CDK14: variants seen among roughly 807,000 people sequenced by gnomAD.
The protein encoded by CDK14 is cyclin dependent kinase 14.
CDK14 carries 34 observed loss-of-function variants against 60.7 expected under a neutral mutation model. The observed-to-expected ratio is 0.56, with a 90% CI of 0.43 to 0.75. The LOEUF (loss-of-function observed/expected upper bound fraction) is 0.75, where lower values mean the gene tolerates loss of function less well. Among genes scored for constraint, CDK14 ranks in the 30% least tolerant of loss-of-function variants. The pLI is 0.00. For missense variants in CDK14, 482 were observed against 564.1 expected (o/e 0.85, Z 1.47); for synonymous variants, 197 against 203.7 (o/e 0.97, Z 0.28).
intron 10 of CDK14, among the ~76,000 whole-genome samples, chr7:91,018,146 T>G (rs947867784): frequency 6.6e-6 from 1 of 152,248 alleles, no homozygotes; most frequent in Non-Finnish European, 1.5e-5. Context: ...GGAAGCCATC[T>G]TTGTTCTAAA....
intron 3 of CDK14, among the ~76,000 whole-genome samples, chr7:90,734,038 T>C (rs1802983779): frequency 6.6e-6 from 1 of 152,238 alleles, no homozygotes; most frequent in Admixed American, 6.5e-5. Flanking sequence ...TGCTTGTCTC[T>C]AAAGGATTTT....
rs564944569 is a variant in CDK14, at chr7:90,825,125, A to G, written c.544+34473A>G. ...AATCACTTGAGACCTATTCATAAAGAATAGGATGATGTATATAACTAAAGC... is the reference window on the plus strand; with the variant it reads ...AATCACTTGAGACCTATTCATAAAGGATAGGATGATGTATATAACTAAAGC... On this transcript the variant is annotated intron_variant, in intron 5 of 14. Coordinates refer to ENST00000380050, the MANE Select transcript of CDK14 (RefSeq NM_001287135.2). 2.6e-5 allele frequency among the ~76,000 whole-genome samples: 4 copies of G among 152,314 alleles called. No homozygotes were observed. The East Asian group carries it at 5.8e-4, about 22-fold the overall frequency.
chr7:90,734,194 G>A (rs569237631), intron 3 of CDK14, among the ~76,000 whole-genome samples: 2 of 152,168 alleles, frequency 1.3e-5, no homozygotes, highest in Non-Finnish European at 2.9e-5. Context: ...AGTCTGATGG[G>A]CTTCTCTTTG....
intron 4 of CDK14, among the ~76,000 whole-genome samples, chr7:90,758,175 A>G (rs770261752): frequency 6.6e-6 from 1 of 152,126 alleles, no homozygotes; most frequent in African/African-American, 2.4e-5. Context: ...AACTTACCAC[A>G]TTCTCATATT....
chr7:90,746,398 A>G (rs1359718358), intron 3 of CDK14, among the ~76,000 whole-genome samples: 1 of 152,216 alleles, frequency 6.6e-6, no homozygotes, highest in African/African-American at 2.4e-5. Context: ...TTGATAAGTG[A>G]TACAGGTGTA....
intron 2 of CDK14, among the ~76,000 whole-genome samples, chr7:90,688,720 TC>T (rs1414562895): frequency 6.6e-6 from 1 of 152,162 alleles, no homozygotes; most frequent in Non-Finnish European, 1.5e-5. Context: ...TGGGAGAATG[TC>T]CCAAAACAGG....
chr7:91,044,998 A>T (rs776592119), intron 10 of CDK14, among the ~76,000 whole-genome samples: 2 of 152,210 alleles, frequency 1.3e-5, no homozygotes, highest in Non-Finnish European at 2.9e-5. Flanking sequence ...CAGTTTACAG[A>T]TGAGGAAATT....
At chr7:91,010,871 C>G (rs1315334652) in intron 10 of CDK14, among the ~76,000 whole-genome samples, 1 of 103,362 alleles carries the variant, frequency 9.7e-6, no homozygotes, top group Non-Finnish European at 1.9e-5. Flanking sequence ...CTCCCTCTCT[C>G]TCTTTCTTTT....
chr7:90,904,969 T>C (rs1379612788), intron 7 of CDK14, among the ~76,000 whole-genome samples: 1 of 152,172 alleles, frequency 6.6e-6, no homozygotes, highest in East Asian at 1.9e-4. Flanking sequence ...CAGTGAAGTA[T>C]GAAGGTAAAA....
At chr7:90,845,050 A>G (rs1429747265) in intron 5 of CDK14, among the ~76,000 whole-genome samples, 1 of 152,182 alleles carries the variant, frequency 6.6e-6, no homozygotes, top group Admixed American at 6.6e-5. Flanking sequence ...CTTATTTTAC[A>G]CGTTCCTTTT....
rs377746606 is a variant in CDK14 at position 90,628,118 on chromosome 7, C to G, written c.123+23869C>G. ...CACAGGTGTGTGCCACTATGCATGG[C>G]AATTTTTATTTTTATTTTTGTAGAG... On this transcript the variant is annotated intron_variant, in intron 2 of 14. Transcript: ENST00000380050. Among the ~76,000 whole-genome samples the G allele has an allele frequency of 9.2e-5, 14 of 152,156 alleles. No homozygotes were observed. In the South Asian group the frequency reaches 2.9e-3, roughly 32 times the overall value.
chr7:91,205,727 C>G (rs756294525), intron 14 of CDK14, among the ~76,000 whole-genome samples: 2 of 152,168 alleles, frequency 1.3e-5, no homozygotes, highest in Non-Finnish European at 2.9e-5. Context: ...GGAAAGTTAA[C>G]TTGCCAGAAA....
chr7:90,634,291 C>G (rs1800078609), intron 2 of CDK14, among the ~76,000 whole-genome samples: 1 of 109,166 alleles, frequency 9.2e-6, no homozygotes, highest in Non-Finnish European at 1.8e-5. Context: ...CCCCCTCCCC[C>G]CACCCCACAG....
At position 91,086,662 on chromosome 7, in the gene CDK14, T is replaced by G. The variant is rs73708249; in HGVS notation, c.1154+7182T>G. 8.9e-3 allele frequency among the ~76,000 whole-genome samples: 1,178 copies of G among 132,642 alleles called. 16 individuals carry two copies. Among genetic ancestry groups the G allele is most frequent in the Admixed American group, 0.039 (524 of 13,342 alleles). 87.0% of individuals were successfully genotyped at this position (132,642 alleles called of 152,430 possible). The stretch of plus-strand genomic sequence containing the variant: ...GTCTTCCTCACTGGGCCCCTGTGGG[T>G]GTGTGTGTGTGTGTGTGTGTGTATA... On this transcript the variant is annotated intron_variant, in intron 12 of 14. Transcript: ENST00000380050.
intron 4 of CDK14, among the ~76,000 whole-genome samples, chr7:90,775,567 T>A (rs1486704133): frequency 1.3e-5 from 2 of 150,616 alleles, no homozygotes; most frequent in Admixed American, 6.7e-5. Flanking sequence ...AGTAATGTGT[T>A]TCTCCAGACA....
chr7:91,203,876 G>T (rs1014974722), intron 14 of CDK14, among the ~76,000 whole-genome samples: 4 of 152,182 alleles, frequency 2.6e-5, no homozygotes, highest in African/African-American at 9.7e-5. Context: ...TCAAAAAGAT[G>T]CCAGTGCCTA....
intron 12 of CDK14, among the ~76,000 whole-genome samples, chr7:91,081,666 G>A (rs1411221883): frequency 6.6e-6 from 1 of 152,066 alleles, no homozygotes; most frequent in African/African-American, 2.4e-5. Context: ...TATAACAAAA[G>A]ACCCAGTTTA....
intron 7 of CDK14, among the ~76,000 whole-genome samples, chr7:90,906,021 G>T (rs1183429397): frequency 6.6e-6 from 1 of 152,006 alleles, no homozygotes; most frequent in Non-Finnish European, 1.5e-5. Flanking sequence ...GTTGCTTTAG[G>T]ATATGAACTG....
rs150550794 is a variant in CDK14, at chr7:90,813,311, G to A, written c.544+22659G>A. Among the ~76,000 whole-genome samples the A allele has an allele frequency of 7.9e-5, 12 of 152,334 alleles. No homozygotes were observed. The East Asian group carries it at 2.3e-3, about 29-fold the overall frequency. On this transcript the variant is annotated intron_variant, in intron 5 of 14. Transcript: ENST00000380050. ...GACAGTGAACTGTTACAACTCTCTG[G>A]TGTAGGGAAAATGTGTCAGTTCTGG...
Sources: allele counts gnomAD v4.1 joint callset (sites outside exome capture counted in the v4.1 genomes callset), GRCh38; gene constraint gnomAD v4.1.1; transcripts MANE v1.5; gene names NCBI Gene and HGNC (gene_info 2026-07-23, HGNC 2026-07-21).